TRHDE: variants seen among roughly 807,000 people sequenced by gnomAD.
TRHDE encodes thyrotropin-releasing hormone-degrading ectoenzyme.
TRHDE carries 72 observed loss-of-function variants against 125.7 expected under a neutral mutation model. The ratio of observed to expected loss-of-function variants is 0.57; its 90% CI spans 0.47 to 0.70. TRHDE has a LOEUF of 0.70. Among genes scored for constraint, TRHDE ranks in the 30% least tolerant of loss-of-function variants. The probability of loss-of-function intolerance (pLI) is 0.00; values close to 1 mark genes in which losing one functional copy is unlikely to be tolerated. For missense variants in TRHDE, 1,110 were observed against 1,327.1 expected (o/e 0.84, Z 2.54); for synonymous variants, 509 against 509.1 (o/e 1.00, Z 0.00).
intron 7 of TRHDE, among the ~76,000 whole-genome samples, chr12:72,545,079 G>A (rs532353787): frequency 1.3e-5 from 2 of 151,558 alleles, no homozygotes; most frequent in South Asian, 2.1e-4. Context: ...TGATTTGTTG[G>A]TGATACCACC....
intron 2 of TRHDE, among the ~76,000 whole-genome samples, chr12:72,167,110 A>G (rs573549945): frequency 3.9e-5 from 6 of 152,282 alleles, no homozygotes; most frequent in African/African-American, 1.4e-4. Flanking sequence ...TCACTCTGAG[A>G]CATGGTTCTT....
At chr12:72,305,578 C>G (rs1868328156) in intron 2 of TRHDE, among the ~76,000 whole-genome samples, 1 of 152,200 alleles carries the variant, frequency 6.6e-6, no homozygotes, top group Admixed American at 6.5e-5. Context: ...CACCCTAACT[C>G]TATGAGAGCG....
chr12:72,398,567 T>C (rs1438309681), intron 3 of TRHDE, among the ~76,000 whole-genome samples: 2 of 152,242 alleles, frequency 1.3e-5, no homozygotes, highest in Non-Finnish European at 2.9e-5. Context: ...ATGGTAGATG[T>C]TTAACAAATA....
chr12:72,112,193 T>G (rs1374126231), intron 2 of TRHDE, among the ~76,000 whole-genome samples: 1 of 152,116 alleles, frequency 6.6e-6, no homozygotes, highest in Non-Finnish European at 1.5e-5. Context: ...TATAGTACTG[T>G]CAGCAGCAGG....
At chr12:72,344,797 C>A (rs1250363584) in intron 2 of TRHDE, among the ~76,000 whole-genome samples, 3 of 152,054 alleles carry the variant, frequency 2.0e-5, no homozygotes, top group African/African-American at 7.2e-5. Context: ...CTGCTCCTGC[C>A]TGGTCAAGCA....
intron 5 of TRHDE, among the ~76,000 whole-genome samples, chr12:72,485,197 C>A (rs1234781773): frequency 6.6e-6 from 1 of 152,142 alleles, no homozygotes; most frequent in Non-Finnish European, 1.5e-5. Context: ...AGGAGTGTGG[C>A]TATTCCCCAT....
chr12:72,351,295 G>T (rs1054122174), intron 2 of TRHDE, among the ~76,000 whole-genome samples: 1 of 151,896 alleles, frequency 6.6e-6, no homozygotes, highest in African/African-American at 2.4e-5. Context: ...AATTAGTTCC[G>T]CCATGTTACG....
chr12:72,152,496 C>T (rs1337522822), intron 2 of TRHDE, among the ~76,000 whole-genome samples: 1 of 152,088 alleles, frequency 6.6e-6, no homozygotes, highest in Non-Finnish European at 1.5e-5. Context: ...GGAATACTTC[C>T]AGTTTTTGTC....
At chr12:72,372,141 A>G (rs1040523878) in intron 2 of TRHDE, among the ~76,000 whole-genome samples, 1 of 152,174 alleles carries the variant, frequency 6.6e-6, no homozygotes, top group African/African-American at 2.4e-5. Flanking sequence ...TCTGATGGCC[A>G]GTGATGCTGA....
At chr12:72,601,015 A>G (rs1044495326) in intron 12 of TRHDE, among the ~76,000 whole-genome samples, 1 of 152,130 alleles carries the variant, frequency 6.6e-6, no homozygotes, top group Non-Finnish European at 1.5e-5. Flanking sequence ...TTATAAGTCT[A>G]TAGCTACCAC....
At chr12:72,624,718 G>T (rs867412318) in intron 15 of TRHDE, among the ~76,000 whole-genome samples, 4 of 152,054 alleles carry the variant, frequency 2.6e-5, no homozygotes, top group Middle Eastern at 3.4e-3. Flanking sequence ...ATGCTACAGT[G>T]TGTTGAATTG....
intron 12 of TRHDE, among the ~76,000 whole-genome samples, chr12:72,579,000 T>G (rs1871125538): frequency 6.7e-6 from 1 of 150,006 alleles, no homozygotes; most frequent in East Asian, 1.9e-4. Context: ...TTTTTTTTTA[T>G]GAACAGAAAG....
chr12:72,249,770 A>G (rs1203793874), intron 2 of TRHDE, among the ~76,000 whole-genome samples: 1 of 152,148 alleles, frequency 6.6e-6, no homozygotes, highest in Non-Finnish European at 1.5e-5. Context: ...TTACCATTAG[A>G]TCCAGTCATT....
At chr12:72,325,677 A>G (rs1869307558) in intron 2 of TRHDE, among the ~76,000 whole-genome samples, 1 of 152,166 alleles carries the variant, frequency 6.6e-6, no homozygotes, top group Non-Finnish European at 1.5e-5. Context: ...AATGTTTATT[A>G]AGCCATGTTT....
intron 12 of TRHDE, among the ~76,000 whole-genome samples, chr12:72,597,069 T>C (rs932319261): frequency 2.0e-5 from 3 of 152,150 alleles, no homozygotes; most frequent in African/African-American, 7.2e-5. Flanking sequence ...TGCCAACCAG[T>C]TTTATTTTTT....
At chr12:72,432,283 A>G (rs1441022365) in intron 3 of TRHDE, among the ~76,000 whole-genome samples, 1 of 152,196 alleles carries the variant, frequency 6.6e-6, no homozygotes, top group Non-Finnish European at 1.5e-5. Context: ...AACAGCCCCA[A>G]GAAGCTGGAG....
At chr12:72,344,159 G>A (rs1870209579) in intron 2 of TRHDE, among the ~76,000 whole-genome samples, 1 of 151,966 alleles carries the variant, frequency 6.6e-6, no homozygotes, top group South Asian at 2.1e-4. Flanking sequence ...GGCTTTTGTA[G>A]GAGTAGATGA....
chr12:72,208,516 C>T (rs984110532), intron 2 of TRHDE, among the ~76,000 whole-genome samples: 1 of 152,104 alleles, frequency 6.6e-6, no homozygotes, highest in Non-Finnish European at 1.5e-5. Flanking sequence ...AAATGAATGG[C>T]AGTGGCAAAC....
chr12:72,435,767 G>T (rs1370918019), intron 3 of TRHDE, among the ~76,000 whole-genome samples: 1 of 150,812 alleles, frequency 6.6e-6, no homozygotes, highest in Non-Finnish European at 1.5e-5. Flanking sequence ...ATTATTATTA[G>T]CTGTTACAAA....
Sources: gnomAD v4.1 joint callset for allele counts (sites outside exome capture counted in the v4.1 genomes callset) on GRCh38, gnomAD v4.1.1 for gene constraint, MANE v1.5 for transcripts, NCBI Gene and HGNC (gene_info 2026-07-23, HGNC 2026-07-21) for gene names.